The following GFRA1 variants were observed in gnomAD, a reference collection of about 807,000 sequenced individuals.
GFRA1 encodes the protein GDNF family receptor alpha-1.
In GFRA1, 16 loss-of-function variants were observed where a neutral mutation model predicts 51.6. That is an observed-to-expected ratio of 0.31 (90% CI 0.21 to 0.47). The LOEUF (loss-of-function observed/expected upper bound fraction) is 0.47. Among genes scored for constraint, GFRA1 ranks in the 20% least tolerant of loss-of-function variants. The pLI, the probability that GFRA1 is intolerant of heterozygous loss-of-function variation, is 1.00. For missense variants in GFRA1, 530 were observed against 594.3 expected (o/e 0.89, Z 1.13); for synonymous variants, 270 against 241.3 (o/e 1.12, Z -1.10).
At chr10:116,109,163 G>T (rs1957104987) in intron 6 of GFRA1, among the ~76,000 whole-genome samples, 1 of 152,194 alleles carries the variant, frequency 6.6e-6, no homozygotes, top group Admixed American at 6.5e-5. Context: ...AGGTCCCAGA[G>T]AGGTCCACGA....
intron 9 of GFRA1, among the ~76,000 whole-genome samples, chr10:116,070,634 T>C (rs1565552535): frequency 6.6e-6 from 1 of 152,250 alleles, no homozygotes; most frequent in Non-Finnish European, 1.5e-5. Flanking sequence ...ATATAACAAT[T>C]CTATTGTGTA....
chr10:116,078,174 T>C (rs1955697138), intron 9 of GFRA1, among the ~76,000 whole-genome samples: 1 of 152,132 alleles, frequency 6.6e-6, no homozygotes, highest in East Asian at 1.9e-4. Flanking sequence ...CAATTGAAAA[T>C]GTAGTTGAGC....
chr10:116,161,815 G>A (rs952442667), intron 5 of GFRA1, among the ~76,000 whole-genome samples: 2 of 152,182 alleles, frequency 1.3e-5, no homozygotes. Flanking sequence ...TCTTGGCTAT[G>A]TTTTATTAGC....
chr10:116,174,343 AT>A (rs950452531), intron 5 of GFRA1, among the ~76,000 whole-genome samples: 6 of 152,350 alleles, frequency 3.9e-5, no homozygotes, highest in African/African-American at 1.4e-4. Context: ...AAATGAGCTA[AT>A]TTTGTGAATC....
intron 5 of GFRA1, among the ~76,000 whole-genome samples, chr10:116,164,164 C>T (rs1254838287): frequency 6.6e-6 from 1 of 152,148 alleles, no homozygotes; most frequent in Non-Finnish European, 1.5e-5. Context: ...AGCTGACAAG[C>T]CCACAGACTA....
rs994543049 is a variant in GFRA1 at position 116,118,990 on chromosome 10, A to G, written c.770+6231T>C. The stretch of plus-strand genomic sequence containing the variant: ...ACCTCTGCCAACAGAGAGATAATGA[A>G]TGAGAGAGAAGGCAGGTCATAGCTG... On this transcript the variant is annotated intron_variant, in intron 6 of 10. Transcript: ENST00000355422. Among the ~76,000 whole-genome samples, 5 of 152,164 alleles carry G rather than the reference A, an allele frequency of 3.3e-5. 1 individual carries two copies. In the South Asian group the frequency reaches 8.3e-4, roughly 25 times the overall value.
At chr10:116,165,659 T>TCA (rs945618435) in intron 5 of GFRA1, among the ~76,000 whole-genome samples, 5 of 32,428 alleles carry the variant, frequency 1.5e-4, no homozygotes, top group East Asian at 8.3e-4. Flanking sequence ...GCTCTTTCTC[T>TCA]CACTCTCACA....
chr10:116,226,838 T>C (rs1202249120), intron 4 of GFRA1: 8 of 347,106 alleles, frequency 2.3e-5, no homozygotes, highest in Non-Finnish European at 4.1e-5. Context: ...CATCAGGTAT[T>C]AGATTCTCAT....
intron 8 of GFRA1, among the ~76,000 whole-genome samples, chr10:116,091,904 C>T (rs1956353866): frequency 6.6e-6 from 1 of 152,092 alleles, no homozygotes; most frequent in South Asian, 2.1e-4. Flanking sequence ...CAATGAGACA[C>T]CAGACTATTC....
intron 9 of GFRA1, among the ~76,000 whole-genome samples, chr10:116,071,637 CAG>C (rs1272627373): frequency 6.6e-6 from 1 of 152,198 alleles, no homozygotes; most frequent in Non-Finnish European, 1.5e-5. Flanking sequence ...ATGGGACAGT[CAG>C]AGTTGAACTG....
In GFRA1 at chr10:116,060,308, A is replaced by C. The variant is rs989253168; in HGVS notation, c.*4090T>G. ...TCTAAGGGTATCCAACCAAATCCCC[A>C]CTTGTTTTATTTTAGAATTTCTAAT... On this transcript the variant is annotated 3_prime_UTR_variant, in exon 11 of 11. Transcript: ENST00000355422. 10 of 152,114 alleles carry C rather than the reference A, an allele frequency of 6.6e-5. No individual in the cohort carries two copies. Among genetic ancestry groups the C allele is most frequent in the Admixed American group, 6.5e-4 (10 of 15,268 alleles). 9.4% of individuals were successfully genotyped at this position (152,114 alleles called of 1,614,324 possible).
At chr10:116,204,740 A>G (rs940987274) in intron 5 of GFRA1, among the ~76,000 whole-genome samples, 18 of 152,218 alleles carry the variant, frequency 1.2e-4, no homozygotes, top group African/African-American at 4.1e-4. Context: ...TAACATAAAT[A>G]CCTATGAGTT....
chr10:116,159,223 A>T (rs2134170015), intron 5 of GFRA1, among the ~76,000 whole-genome samples: 1 of 151,824 alleles, frequency 6.6e-6, no homozygotes, highest in Non-Finnish European at 1.5e-5. Context: ...TTCTGACCCT[A>T]CCTCTCTGAG....
chr10:116,155,253 C>A (rs11197552), intron 5 of GFRA1, among the ~76,000 whole-genome samples: 152,114 of 152,268 alleles, frequency 1, 75,980 homozygotes, highest in Non-Finnish European at 1. Context: ...TGGCGGAGCA[C>A]AATTACTTCA....
chr10:116,111,276 T>A (rs1201405389), intron 6 of GFRA1, among the ~76,000 whole-genome samples: 1 of 152,198 alleles, frequency 6.6e-6, no homozygotes, highest in Non-Finnish European at 1.5e-5. Context: ...GACAACAGAC[T>A]GTCTACTTCT....
chr10:116,257,285 A>ACCCCCCCCCCCCCCCCCCCCCC (rs918979844), intron 4 of GFRA1, among the ~76,000 whole-genome samples: 3 of 140,032 alleles, frequency 2.1e-5, no homozygotes, highest in East Asian at 2.3e-4. Context: ...GCTTACCTGT[A>ACCCCCCCCCCCCCCCCCCCCCC]CCCCCCACCC....
chr10:116,087,306 C>T (rs1956142994), intron 9 of GFRA1, among the ~76,000 whole-genome samples: 1 of 152,108 alleles, frequency 6.6e-6, no homozygotes, highest in Non-Finnish European at 1.5e-5. Context: ...TGGAAGAGAA[C>T]ACCTCCTGTG....
Position 116,196,568 on chromosome 10 carries a change from A to T in GFRA1, c.433+15063T>A, listed in dbSNP as rs1353993187. On this transcript the variant is annotated intron_variant, in intron 5 of 10. Transcript: ENST00000355422. ...ATATATTTTTATATATACTATATAT[A>T]ATATATATAATATATAGTACTATAT... Among the ~76,000 whole-genome samples, 160 of 70,008 alleles carry T rather than the reference A, an allele frequency of 2.3e-3. 6 individuals are homozygous for T. Among genetic ancestry groups the T allele is most frequent in the Non-Finnish European group, 3.7e-3 (132 of 35,954 alleles). The allele number at this position is 70,008 out of a possible 152,430, so 45.9% of individuals were successfully genotyped here.
intron 5 of GFRA1, among the ~76,000 whole-genome samples, chr10:116,138,828 T>C (rs1327265876): frequency 1.3e-5 from 2 of 152,152 alleles, no homozygotes; most frequent in African/African-American, 4.8e-5. Flanking sequence ...TTTAAATTGG[T>C]TCCAATACAT....
Sources: gnomAD v4.1 joint callset for allele counts (sites outside exome capture counted in the v4.1 genomes callset) on GRCh38, gnomAD v4.1.1 for gene constraint, MANE v1.5 for transcripts, NCBI Gene and HGNC (gene_info 2026-07-23, HGNC 2026-07-21) for gene names.